HOMER3: variants seen among roughly 807,000 people sequenced by gnomAD.
HOMER3 encodes the protein homer protein homolog 3.
In HOMER3, 34 loss-of-function variants were observed where a neutral mutation model predicts 45.5. That is an observed-to-expected ratio of 0.75 (90% CI 0.57 to 1.00). HOMER3 has a LOEUF of 1.00. HOMER3 is among the 50% of genes least tolerant of loss of function. The probability of loss-of-function intolerance (pLI) is 0.00; values close to 1 mark genes in which losing one functional copy is unlikely to be tolerated. For missense variants in HOMER3, 480 were observed against 497.5 expected (o/e 0.96, Z 0.33); for synonymous variants, 223 against 208.8 (o/e 1.07, Z -0.58).
rs767696001 is a variant in HOMER3 at position 18,929,351 on chromosome 19, A to G, written c.*92T>C. 7.8e-6 allele frequency: 9 copies of G among 1,152,710 alleles called. No homozygotes were observed. The highest frequency in any genetic ancestry group is 1.1e-5 in the Non-Finnish European group (9 of 811,938). 71.4% of individuals were successfully genotyped at this position (1,152,710 alleles called of 1,614,324 possible). ...ACCCAGGGCTAAGTTGGGACCCCCC[A>G]GTCCCTTTCCAGGACGAATGGGCCC... On this transcript the variant is annotated 3_prime_UTR_variant, in exon 10 of 10. Transcript: ENST00000392351.
In HOMER3 at chr19:18,929,311, A is replaced by AGCCCG. The variant is rs747855817; in HGVS notation, c.*127_*131dup. ...AGCCGACTGGGGCCCACCCCAGCCC[A>AGCCCG]GCCCGGCCCGGCCCACCCAGGGCTA... On this transcript the variant is annotated 3_prime_UTR_variant, in exon 10 of 10. Transcript: ENST00000392351. 5.4e-5 allele frequency: 55 copies of AGCCCG among 1,009,566 alleles called. No individual in the cohort carries two copies. The highest frequency in any genetic ancestry group is 7.5e-5 in the Non-Finnish European group (48 of 642,794). 62.5% of individuals were successfully genotyped at this position (1,009,566 alleles called of 1,614,324 possible).
At chr19:18,940,189 C>G (rs1443968902) in intron 1 of HOMER3, 1 of 152,660 alleles carries the variant, frequency 6.6e-6, no homozygotes, top group African/African-American at 2.4e-5. Context: ...GGTGGGGCGG[C>G]AGCTCTGGCC....
chr19:18,932,062 C>A lies in HOMER3; in HGVS notation c.604G>T (p.Ala202Ser). 1.3e-6 allele frequency: 2 copies of A among 1,560,428 alleles called. No homozygotes were observed. Among genetic ancestry groups the A allele is most frequent in the Non-Finnish European group, 1.7e-6 (2 of 1,154,408 alleles). Reference sequence around the variant, plus strand: ...GCGGCGGCGTTGGCCTCTCGCAGGGCGCCTGCCAGCTTGTTGTTGCTGTCC... The same window carrying A: ...GCGGCGGCGTTGGCCTCTCGCAGGGAGCCTGCCAGCTTGTTGTTGCTGTCC... ...LQDSNNKLAG[A>S]LREANAAAAQ... Residue 202 changes from alanine to serine, a missense_variant, in exon 7 of 10, where the codon GCC becomes TCC. Physicochemically the swap from Ala to Ser is moderately conservative, Grantham distance 99. Coordinates refer to ENST00000392351, the MANE Select transcript of HOMER3 (RefSeq NM_004838.4).
intron 4 of HOMER3, 75 bp from the exon 5 acceptor site, chr19:18,934,485 G>T: frequency 1.2e-6 from 1 of 829,946 alleles, no homozygotes; most frequent in Non-Finnish European, 1.8e-6. Context: ...CTCAGTGACA[G>T]CCCCGCCACT....
intron 5 of HOMER3, among the ~76,000 whole-genome samples, 188 bp downstream of exon 5, chr19:18,934,115 A>G (rs1373108158): frequency 6.6e-6 from 1 of 152,184 alleles, no homozygotes; most frequent in Non-Finnish European, 1.5e-5. Context: ...CAGACCCTCT[A>G]TGACACACTC....
chr19:18,936,504 T>C (rs1247085990), intron 4 of HOMER3, among the ~76,000 whole-genome samples: 7 of 150,902 alleles, frequency 4.6e-5, no homozygotes, highest in Non-Finnish European at 7.4e-5. Flanking sequence ...AAACAAAAAT[T>C]TTGTAAAAAT....
In HOMER3 at chr19:18,938,851, C is replaced by T. The variant is rs1412363787; in HGVS notation, c.48G>A (p.Val16=). The change falls in exon 3 of 10, where the codon GTG becomes GTA. Residue 16 remains valine (V), a synonymous_variant. Transcript: ENST00000392351. ...EQPIFSTRAH[V]FQIDPATKRN... ...GCTTGGTGGCTGGGTCAATTTGGAA[C>T]ACGTGCGCCCGTGTGCTGAAGATTG... is the stretch of plus-strand genomic sequence containing the variant. 5 of 1,602,258 alleles carry T rather than the reference C, an allele frequency of 3.1e-6. No homozygotes were observed. Among genetic ancestry groups the T allele is most frequent in the Middle Eastern group, 1.6e-4 (1 of 6,066 alleles).
chr19:18,934,806 C>G (rs565338071), intron 4 of HOMER3, among the ~76,000 whole-genome samples: 1 of 151,950 alleles, frequency 6.6e-6, no homozygotes, highest in Non-Finnish European at 1.5e-5. Flanking sequence ...CCATCATGCC[C>G]GGCTAATTTT....
intron 1 of HOMER3, chr19:18,940,393 G>C (rs931820298): frequency 2.0e-5 from 3 of 152,272 alleles, no homozygotes; most frequent in Non-Finnish European, 4.4e-5. Flanking sequence ...CCCGGTGCCC[G>C]GGATCCCCAA....
At chr19:18,939,239 A>C in intron 1 of HOMER3, 190 bp from the exon 2 acceptor site, 1 of 486,140 alleles carries the variant, frequency 2.1e-6, no homozygotes, top group East Asian at 3.2e-5. Context: ...CAGGAGTTCG[A>C]GACCATCCTG....
intron 6 of HOMER3, among the ~76,000 whole-genome samples, chr19:18,932,426 G>A (rs2057046292): frequency 6.6e-6 from 1 of 151,466 alleles, no homozygotes; most frequent in African/African-American, 2.4e-5. Context: ...GGCGGGGCCA[G>A]AGGAGGGGTG....
At chr19:18,936,336 A>ATAAC (rs1240898006) in intron 4 of HOMER3, among the ~76,000 whole-genome samples, 6 of 147,816 alleles carry the variant, frequency 4.1e-5, no homozygotes, top group Non-Finnish European at 9.0e-5. Flanking sequence ...AAATAAATAA[A>ATAAC]TAAATAAATG....
Position 18,932,142 on chromosome 19 carries a change from C to A in HOMER3, c.534-10G>T. The A allele has an allele frequency of 2.6e-6, 4 of 1,538,472 alleles. No individual in the cohort carries two copies. The South Asian group carries it at 4.8e-5, about 19-fold the overall frequency. ...TACCTCGCCCACGGAGCTGCAGAGA[C>A]ACGAGGGTCGGCAGTGGGTGACACG... On this transcript the variant is annotated splice_polypyrimidine_tract_variant and intron_variant, in intron 6 of 9. Coordinates refer to ENST00000392351, the MANE Select transcript of HOMER3 (RefSeq NM_004838.4).
chr19:18,935,778 G>A (rs925760442), intron 4 of HOMER3, among the ~76,000 whole-genome samples: 5 of 152,132 alleles, frequency 3.3e-5, no homozygotes, highest in African/African-American at 1.2e-4. Flanking sequence ...CCAGCACTTT[G>A]GGAGACCAAG....
intron 4 of HOMER3, among the ~76,000 whole-genome samples, chr19:18,937,478 A>T (rs573163844): frequency 6.6e-6 from 1 of 151,904 alleles, no homozygotes; most frequent in African/African-American, 2.4e-5. Context: ...GGAGTTCAAG[A>T]CCACCCTGGC....
intron 1 of HOMER3, chr19:18,940,659 C>T (rs1373550029): frequency 6.6e-6 from 1 of 152,176 alleles, no homozygotes; most frequent in Non-Finnish European, 1.5e-5. Context: ...CGTGACTCCT[C>T]CTCTAACTGG....
In HOMER3 at chr19:18,929,421, T is replaced by C. The variant is rs770469360; in HGVS notation, c.*22A>G. 1 of 1,587,566 alleles carries C rather than the reference T, an allele frequency of 6.3e-7. No individual in the cohort carries two copies. The highest frequency in any genetic ancestry group is 1.1e-5 in the South Asian group (1 of 89,070). ...TGGCCCGCATCCCAGGCCGGAATCG[T>C]TCATAGAAAACCAGCCCCGGCTCAG... On this transcript the variant is annotated 3_prime_UTR_variant, in exon 10 of 10. Coordinates refer to ENST00000392351, the MANE Select transcript of HOMER3 (RefSeq NM_004838.4).
intron 6 of HOMER3, 39 bp downstream of exon 6, chr19:18,932,885 A>AACCCCCCCCCCGC: frequency 1.5e-6 from 1 of 687,538 alleles, no homozygotes; most frequent in Non-Finnish European, 2.1e-6. Flanking sequence ...CCCCACCCCT[A>AACCCCCCCCCCGC]CCCCCGCCCC....
Position 18,929,423 on chromosome 19 carries a change from C to A in HOMER3, c.*20G>T. ...GCCCGCATCCCAGGCCGGAATCGTTCATAGAAAACCAGCCCCGGCTCAGGG... is the reference window on the plus strand; with the variant it reads ...GCCCGCATCCCAGGCCGGAATCGTTAATAGAAAACCAGCCCCGGCTCAGGG... On this transcript the variant is annotated 3_prime_UTR_variant, in exon 10 of 10. Transcript: ENST00000392351. 1 of 1,586,694 alleles carries A rather than the reference C, an allele frequency of 6.3e-7. No individual in the cohort carries two copies. Among genetic ancestry groups the A allele is most frequent in the South Asian group, 1.1e-5 (1 of 88,870 alleles).
Sources: allele counts gnomAD v4.1 joint callset (sites outside exome capture counted in the v4.1 genomes callset), GRCh38; gene constraint gnomAD v4.1.1; transcripts MANE v1.5; gene names NCBI Gene and HGNC (gene_info 2026-07-23, HGNC 2026-07-21).